VTI1A: variants seen among roughly 807,000 people sequenced by gnomAD.
VTI1A encodes vesicle transport through interaction with t-SNAREs homolog 1A.
A neutral mutation model predicts 34.9 loss-of-function variants in VTI1A; 22 were observed. The observed-to-expected ratio is 0.63, with a 90% CI of 0.45 to 0.90. The LOEUF (loss-of-function observed/expected upper bound fraction) is 0.90. Among genes scored for constraint, VTI1A ranks in the 40% least tolerant of loss-of-function variants. VTI1A has a pLI of 0.00. For missense variants in VTI1A, 268 were observed against 275.6 expected, an observed-to-expected ratio of 0.97 and a Z score of 0.20; for synonymous variants, 87 against 97.3, an observed-to-expected ratio of 0.89 and a Z score of 0.62.
At chr10:112,747,336 A>G (rs1002836951) in intron 7 of VTI1A, among the ~76,000 whole-genome samples, 3 of 152,256 alleles carry the variant, frequency 2.0e-5, no homozygotes, top group Admixed American at 6.5e-5. Flanking sequence ...TTGTGCGAAC[A>G]TTACAGAGTG....
intron 3 of VTI1A, among the ~76,000 whole-genome samples, chr10:112,473,210 G>C (rs1309541063): frequency 7.3e-5 from 11 of 150,830 alleles, no homozygotes; most frequent in Non-Finnish European, 1.5e-5. Flanking sequence ...CTGGTTTTAA[G>C]AGATTCTCCT....
intron 7 of VTI1A, among the ~76,000 whole-genome samples, chr10:112,750,130 A>G (rs566188339): frequency 2.6e-5 from 4 of 152,308 alleles, no homozygotes; most frequent in Admixed American, 6.5e-5. Flanking sequence ...CCATGGGATT[A>G]AATCAATTAT....
the VTI1A span, among the ~76,000 whole-genome samples, chr10:112,839,154 C>G: frequency 6.6e-6 from 1 of 152,148 alleles, no homozygotes; most frequent in African/African-American, 2.4e-5. Flanking sequence ...GGGATGGAGT[C>G]GAAACTCACT....
chr10:112,804,650 C>T (rs913407115), intron 7 of VTI1A, among the ~76,000 whole-genome samples: 2 of 152,052 alleles, frequency 1.3e-5, no homozygotes, highest in Non-Finnish European at 2.9e-5. Context: ...TTACTCTAAT[C>T]GCGGCCTTTG....
chr10:112,779,630 C>CA (rs1458869164), intron 7 of VTI1A, among the ~76,000 whole-genome samples: 1 of 151,976 alleles, frequency 6.6e-6, no homozygotes, highest in Non-Finnish European at 1.5e-5. Flanking sequence ...TCCCACTATT[C>CA]AAAAAAATGA....
chr10:112,451,746 A>G (rs1162563544), intron 1 of VTI1A, among the ~76,000 whole-genome samples: 1 of 152,138 alleles, frequency 6.6e-6, no homozygotes, highest in African/African-American at 2.4e-5. Flanking sequence ...TACTTCTGTG[A>G]TTCTCTCTTG....
chr10:112,644,941 A>G (rs1846716507), intron 5 of VTI1A, among the ~76,000 whole-genome samples: 3 of 152,226 alleles, frequency 2.0e-5, no homozygotes, highest in African/African-American at 2.4e-5. Context: ...TTTGATATTT[A>G]TTGTGCTTTC....
rs139079302 is a variant in VTI1A, at chr10:112,786,936, A to G, written c.561-28354A>G. Among the ~76,000 whole-genome samples, 536 of 152,322 alleles carry G rather than the reference A, an allele frequency of 3.5e-3. 3 individuals carry two copies. The highest frequency in any genetic ancestry group is 0.012 in the African/African-American group (494 of 41,588). On this transcript the variant is annotated intron_variant, in intron 7 of 7. Transcript: ENST00000393077. ...TACGGCCCTCATAGAACAAGTTGGC[A>G]TAGTCTCTCCATTATTTTCTAAGAG...
intron 3 of VTI1A, among the ~76,000 whole-genome samples, chr10:112,504,607 ACT>A (rs1215049976): frequency 2.6e-5 from 4 of 152,132 alleles, no homozygotes; most frequent in Admixed American, 2.6e-4. Context: ...GAAATGAATA[ACT>A]CTGAACTATG....
chr10:112,689,918 C>T (rs1269535004), intron 7 of VTI1A, among the ~76,000 whole-genome samples: 1 of 152,106 alleles, frequency 6.6e-6, no homozygotes, highest in South Asian at 2.1e-4. Context: ...CCTTTGCATT[C>T]AAATCTCTTT....
At chr10:112,480,437 C>T (rs1848423236) in intron 3 of VTI1A, among the ~76,000 whole-genome samples, 1 of 152,064 alleles carries the variant, frequency 6.6e-6, no homozygotes, top group Admixed American at 6.6e-5. Context: ...TTAATAATTA[C>T]AATACTGTGG....
At chr10:112,827,925 C>CTT in the VTI1A span, among the ~76,000 whole-genome samples, 7,817 of 152,090 alleles carry the variant, frequency 0.051, 280 homozygotes, top group African/African-American at 0.085. Flanking sequence ...TTTTATTTTT[C>CTT]TTTAATTTCC....
intron 5 of VTI1A, among the ~76,000 whole-genome samples, chr10:112,592,050 G>A (rs968624912): frequency 1.3e-5 from 2 of 152,210 alleles, no homozygotes; most frequent in African/African-American, 2.4e-5. Flanking sequence ...GGTAGACAGT[G>A]TAAGGGGCCA....
At chr10:112,545,036 G>T (rs984790567) in intron 5 of VTI1A, among the ~76,000 whole-genome samples, 1 of 152,190 alleles carries the variant, frequency 6.6e-6, no homozygotes, top group Admixed American at 6.5e-5. Flanking sequence ...GCAGAGCAGA[G>T]TTGGAAATGA....
chr10:112,474,813 T>A (rs541642716), intron 3 of VTI1A, among the ~76,000 whole-genome samples: 3 of 152,298 alleles, frequency 2.0e-5, no homozygotes, highest in Admixed American at 2.0e-4. Context: ...CTAGGTGAAA[T>A]TGTTAGAAAA....
In VTI1A at chr10:112,693,339, T is replaced by C. The variant is rs187834325; in HGVS notation, c.560+24341T>C. 3.1e-3 allele frequency among the ~76,000 whole-genome samples: 469 copies of C among 152,168 alleles called. 1 individual carries two copies. Among genetic ancestry groups the C allele is most frequent in the African/African-American group, 0.011 (445 of 41,510 alleles). On this transcript the variant is annotated intron_variant, in intron 7 of 7. Coordinates refer to ENST00000393077, the MANE Select transcript of VTI1A (RefSeq NM_145206.4). The stretch of plus-strand genomic sequence containing the variant: ...AGGCAGGCAGGTTGCCTGAGGTCAG[T>C]AGTTCGAGACCAGCCTGGCCAGCAT...
intron 5 of VTI1A, among the ~76,000 whole-genome samples, chr10:112,551,887 C>G (rs779699794): frequency 6.6e-6 from 1 of 152,160 alleles, no homozygotes; most frequent in African/African-American, 2.4e-5. Flanking sequence ...AGCTAACATT[C>G]ATCTTTTAAC....
chr10:112,854,383 G>T, the VTI1A span, among the ~76,000 whole-genome samples: 1 of 152,162 alleles, frequency 6.6e-6, no homozygotes, highest in African/African-American at 2.4e-5. Context: ...AATTATTAAG[G>T]GATAGAGTCA....
intron 5 of VTI1A, among the ~76,000 whole-genome samples, chr10:112,659,710 G>GAC (rs141053671): frequency 2.1e-3 from 312 of 151,726 alleles, no homozygotes; most frequent in Middle Eastern, 0.017. Flanking sequence ...CACGCACGCA[G>GAC]ACACACACAC....
Sources: allele counts gnomAD v4.1 joint callset (sites outside exome capture counted in the v4.1 genomes callset), GRCh38; gene constraint gnomAD v4.1.1; transcripts MANE v1.5; gene names NCBI Gene and HGNC (gene_info 2026-07-23, HGNC 2026-07-21).